The following CADPS2 variants were observed in gnomAD, a reference collection of about 807,000 sequenced individuals.
CADPS2 encodes calcium-dependent secretion activator 2.
Under a neutral mutation model 172.5 loss-of-function variants are expected in CADPS2, and 93 were observed. The observed-to-expected ratio is 0.54, with a 90% CI of 0.46 to 0.64. The LOEUF (loss-of-function observed/expected upper bound fraction) is 0.64. CADPS2 is among the 30% of genes least tolerant of loss of function. The pLI is 0.00. For synonymous variants in CADPS2, 546 were observed against 555.2 expected, an observed-to-expected ratio of 0.98 and a Z score of 0.23; for missense variants, 1,420 against 1,565.9, an observed-to-expected ratio of 0.91 and a Z score of 1.57.
chr7:122,710,017 T>C lies in CADPS2; in HGVS notation c.453+26938A>G, dbSNP rs1257565330. On this transcript the variant is annotated intron_variant, in intron 2 of 29. Coordinates refer to ENST00000449022, the MANE Select transcript of CADPS2 (RefSeq NM_017954.11). Reference sequence around the variant, plus strand: ...GCACATATGTAACTAACCTGCACATTGTGCACACGTACCCTAAAACTTAAA... The same window carrying C: ...GCACATATGTAACTAACCTGCACATCGTGCACACGTACCCTAAAACTTAAA... Among the ~76,000 whole-genome samples, 6 of 149,262 alleles carry C rather than the reference T, an allele frequency of 4.0e-5. No homozygotes were observed. The East Asian group carries it at 1.2e-3, about 30-fold the overall frequency.
chr7:122,818,048 A>G (rs1049562032), intron 1 of CADPS2, among the ~76,000 whole-genome samples: 3 of 115,460 alleles, frequency 2.6e-5, no homozygotes, highest in Non-Finnish European at 5.1e-5. Context: ...CCTTATTTCC[A>G]TGCCCCAACC....
At chr7:122,462,015 T>C (rs953040983) in intron 14 of CADPS2, among the ~76,000 whole-genome samples, 1 of 151,970 alleles carries the variant, frequency 6.6e-6, no homozygotes, top group Non-Finnish European at 1.5e-5. Context: ...TTTGAAAAAA[T>C]AGGATGAAAC....
chr7:122,831,112 C>T (rs1806407024), intron 1 of CADPS2, among the ~76,000 whole-genome samples: 2 of 152,138 alleles, frequency 1.3e-5, no homozygotes. Context: ...CCATGCAAAA[C>T]TCAATGACCT....
At chr7:122,710,049 TAA>T (rs34082235) in intron 2 of CADPS2, among the ~76,000 whole-genome samples, 160 of 93,488 alleles carry the variant, frequency 1.7e-3, no homozygotes, top group South Asian at 6.7e-3. Context: ...TAAAGTATAA[TAA>T]AAAAAAAAAA....
chr7:122,769,267 C>T (rs2093642565), intron 1 of CADPS2, among the ~76,000 whole-genome samples: 1 of 152,194 alleles, frequency 6.6e-6, no homozygotes, highest in South Asian at 2.1e-4. Context: ...CTCACCCTCC[C>T]CTTTGGATAG....
At chr7:122,722,480 T>C (rs2090547345) in intron 2 of CADPS2, among the ~76,000 whole-genome samples, 1 of 151,280 alleles carries the variant, frequency 6.6e-6, no homozygotes, top group East Asian at 1.9e-4. Context: ...GAATCCAACT[T>C]ACAAGGGATG....
intron 28 of CADPS2, chr7:122,330,720 T>A (rs1350606407): frequency 6.6e-6 from 1 of 152,172 alleles, no homozygotes; most frequent in Non-Finnish European, 1.5e-5. Context: ...CCCAGCTCAA[T>A]CCAGAGGCAC....
At chr7:122,351,255 C>G (rs1421432107) in intron 27 of CADPS2, among the ~76,000 whole-genome samples, 1 of 151,108 alleles carries the variant, frequency 6.6e-6, no homozygotes, top group Non-Finnish European at 1.5e-5. Context: ...TGCCTGTAGT[C>G]CCAGCTACTT....
intron 1 of CADPS2, among the ~76,000 whole-genome samples, chr7:122,812,738 T>G (rs1800336354): frequency 6.6e-6 from 1 of 152,162 alleles, no homozygotes. Context: ...TCCCAACACA[T>G]GATGGTTATT....
At chr7:122,475,908 A>G (rs1374247692) in intron 12 of CADPS2, among the ~76,000 whole-genome samples, 1 of 152,238 alleles carries the variant, frequency 6.6e-6, no homozygotes, top group Non-Finnish European at 1.5e-5. Flanking sequence ...GAATGATTAA[A>G]TACATTACAT....
chr7:122,500,561 G>C (rs2059114978), intron 9 of CADPS2, among the ~76,000 whole-genome samples: 1 of 152,080 alleles, frequency 6.6e-6, no homozygotes, highest in Admixed American at 6.6e-5. Flanking sequence ...ATCCCCTCAT[G>C]CAAGTAGGCA....
intron 1 of CADPS2, among the ~76,000 whole-genome samples, chr7:122,738,843 C>A (rs1208952243): frequency 9.5e-5 from 12 of 126,856 alleles, no homozygotes; most frequent in Non-Finnish European, 1.5e-4. Context: ...TCCTATTGTA[C>A]CCAGGGGGGG....
intron 2 of CADPS2, among the ~76,000 whole-genome samples, chr7:122,695,629 G>A (rs1447384632): frequency 6.6e-6 from 1 of 152,138 alleles, no homozygotes; most frequent in Non-Finnish European, 1.5e-5. Context: ...CATTTTCACT[G>A]ACTTGACCCT....
intron 7 of CADPS2, among the ~76,000 whole-genome samples, chr7:122,566,530 G>A (rs1468359329): frequency 6.6e-6 from 1 of 152,098 alleles, no homozygotes; most frequent in Non-Finnish European, 1.5e-5. Context: ...GTCCATCAGT[G>A]AATGAATAAA....
chr7:122,782,320 G>C (rs1007598369), intron 1 of CADPS2, among the ~76,000 whole-genome samples: 3 of 152,058 alleles, frequency 2.0e-5, no homozygotes, highest in Non-Finnish European at 4.4e-5. Flanking sequence ...AATCTTCATA[G>C]AATTGTTAAA....
At chr7:122,693,346 T>C (rs1439095756) in intron 2 of CADPS2, among the ~76,000 whole-genome samples, 2 of 152,214 alleles carry the variant, frequency 1.3e-5, no homozygotes, top group Non-Finnish European at 2.9e-5. Flanking sequence ...CTATGAGGAA[T>C]AGAAATTTAA....
At chr7:122,398,487 A>G (rs775100542) in intron 20 of CADPS2, among the ~76,000 whole-genome samples, 9 of 152,196 alleles carry the variant, frequency 5.9e-5, no homozygotes, top group Non-Finnish European at 1.0e-4. Flanking sequence ...CAGCAAAACA[A>G]ACAGACAATA....
chr7:122,526,633 T>C (rs2061261465), intron 8 of CADPS2, among the ~76,000 whole-genome samples: 2 of 152,218 alleles, frequency 1.3e-5, no homozygotes, highest in African/African-American at 4.8e-5. Context: ...ATTTCATCCA[T>C]TTCTAACACT....
rs141497596 is a variant in CADPS2, at chr7:122,630,986, C to T, written c.787-1658G>A. On this transcript the variant is annotated intron_variant, in intron 3 of 29. Coordinates refer to ENST00000449022, the MANE Select transcript of CADPS2 (RefSeq NM_017954.11). The stretch of plus-strand genomic sequence containing the variant: ...CAAAATCAAACAGAAACAAGTTTCT[C>T]TTCACTGTGTCTAAAATCAAAATGA... Among the ~76,000 whole-genome samples the T allele has an allele frequency of 2.2e-3, 329 of 152,140 alleles. 2 individuals are homozygous for T. Among genetic ancestry groups the T allele is most frequent in the African/African-American group, 7.6e-3 (315 of 41,526 alleles).
Sources: gnomAD v4.1 joint callset for allele counts (sites outside exome capture counted in the v4.1 genomes callset) on GRCh38, gnomAD v4.1.1 for gene constraint, MANE v1.5 for transcripts, NCBI Gene and HGNC (gene_info 2026-07-23, HGNC 2026-07-21) for gene names.